The following MSL1 variants were observed in gnomAD, a reference collection of about 807,000 sequenced individuals.
MSL1 encodes male-specific lethal 1 homolog.
MSL1 carries 21 observed loss-of-function variants against 64.6 expected under a neutral mutation model. The observed-to-expected ratio is 0.33, with a 90% CI of 0.23 to 0.47. MSL1 has a LOEUF of 0.47. Ranked by LOEUF, MSL1 falls within the 20% of genes least tolerant of loss-of-function variation. The probability of loss-of-function intolerance (pLI) is 1.00; values close to 1 mark genes in which losing one functional copy is unlikely to be tolerated. For missense variants in MSL1, 664 were observed against 793.2 expected (o/e 0.84, Z 1.96); for synonymous variants, 339 against 329.6 (o/e 1.03, Z -0.31).
Position 40,122,469 on chromosome 17 carries a change from AGCCGCGCTAGCGGAGGCCTGCT to A in MSL1, c.-135_-114del. 1 of 516,776 alleles carries A rather than the reference AGCCGCGCTAGCGGAGGCCTGCT, an allele frequency of 1.9e-6. No individual in the cohort carries two copies. The highest frequency in any genetic ancestry group is 3.0e-6 in the Non-Finnish European group (1 of 327,900). The allele number at this position is 516,776 out of a possible 1,614,324, so 32.0% of individuals were successfully genotyped here. A position where few individuals can be genotyped will look rare whatever the true frequency, so the allele number is the denominator to read the frequency against. ...CGGGATGGCGCCCGGGCCCCGGAGG[AGCCGCGCTAGCGGAGGCCTGCT>A]GCCGCGCTGCTGAGGCGAGCCCGCC... On this transcript the variant is annotated 5_prime_UTR_variant, in exon 1 of 9. It removes the in-frame stop codon of an upstream open reading frame in the 5' UTR. Coordinates refer to ENST00000398532, the MANE Select transcript of MSL1 (RefSeq NM_001365919.1). This position sits in a 1 kb window ranked among gnomAD's most constrained non-coding sequence, Gnocchi z 4.2.
At chr17:40,123,455 G>C in intron 1 of MSL1, 75 bp downstream of exon 1, 1 of 1,430,910 alleles carries the variant, frequency 7.0e-7, no homozygotes. Context: ...GGCTGTAGGA[G>C]GTTAAGGCAC....
At chr17:40,134,033 G>C in intron 8 of MSL1, 134 bp downstream of exon 8, 1 of 795,134 alleles carries the variant, frequency 1.3e-6, no homozygotes, top group South Asian at 1.6e-5. Context: ...GAGGCTACCT[G>C]GGCAACTAGC....
At position 40,129,319 on chromosome 17, in the gene MSL1, C is replaced by G. The variant is rs1394200571; in HGVS notation, c.1067C>G (p.Thr356Arg). ...KLAPEFSKVKTKTPKHSPIKE... is the reference protein window; with the variant it reads ...KLAPEFSKVKRKTPKHSPIKE... ...GCTCCTGAATTTTCAAAAGTCAAAA[C>G]AAAAACTCCTAAGCACTCTCCTATT... Residue 356 changes from threonine (T) to arginine (R), a missense_variant, in exon 3 of 9, where the codon ACA (threonine) becomes AGA (arginine). Thr to Arg is a moderately conservative substitution (Grantham distance 71). Transcript: ENST00000398532. 1 of 1,585,886 alleles carries G rather than the reference C, an allele frequency of 6.3e-7. No homozygotes were observed. Among genetic ancestry groups the G allele is most frequent in the South Asian group, 1.2e-5 (1 of 85,104 alleles).
chr17:40,132,294 AAAAT>A (rs894842436), intron 5 of MSL1, among the ~76,000 whole-genome samples, 196 bp downstream of exon 5: 69 of 152,334 alleles, frequency 4.5e-4, no homozygotes, highest in African/African-American at 1.6e-3. Flanking sequence ...GATTTATTAA[AAAAT>A]AAATAGCTAG....
chr17:40,122,954 T>TG lies in MSL1; in HGVS notation c.349dup (p.Glu117GlyfsTer146). The TG allele has an allele frequency of 3.3e-6, 5 of 1,524,666 alleles. No homozygotes were observed. Among genetic ancestry groups the TG allele is most frequent in the Admixed American group, 4.0e-5 (2 of 50,212 alleles). 94.4% of individuals were successfully genotyped at this position (1,524,666 alleles called of 1,614,324 possible). On this transcript the variant is annotated frameshift_variant, in exon 1 of 9. Transcript: ENST00000398532. LOFTEE classifies it high-confidence loss of function. This position sits in a 1 kb window ranked among gnomAD's most constrained non-coding sequence, Gnocchi z 4.2. ...CCCCGGCCACCAAGCAAGCCGGCAT[T>TG]GGGGGGGAGCCTGCCGCAGCCGGAG...
In MSL1 at chr17:40,123,308, C is replaced by T; in HGVS notation, c.696C>T (p.Leu232=). Residue 232 remains leucine (L), a synonymous_variant, in exon 1 of 9, where the codon CTC becomes CTT. Coordinates refer to ENST00000398532, the MANE Select transcript of MSL1 (RefSeq NM_001365919.1). ...AGATCCTTCTGCTGCAATTGGACCT[C>T]ATCGAACAGCAGCAGCAGCAGCTGC... ...LKQILLLQLD[L]IEQQQQQLQA... is the part of the protein sequence containing the mutation. 6.5e-7 allele frequency: 1 copy of T among 1,536,238 alleles called. No individual in the cohort carries two copies. The highest frequency in any genetic ancestry group is 2.4e-5 in the East Asian group (1 of 40,998).
chr17:40,135,275 G>T lies in MSL1; in HGVS notation c.*906G>T, dbSNP rs1415477377. The T allele has an allele frequency of 7.9e-5, 12 of 152,208 alleles. No individual in the cohort carries two copies. The highest frequency in any genetic ancestry group is 2.9e-4 in the African/African-American group (12 of 41,402). The allele number at this position is 152,208 out of a possible 1,614,324, so 9.4% of individuals were successfully genotyped here. ...AGTGTGGAAATAGGTGCTTCCTTTGGCTGGCAAATGTCTACATCTTGAAAC... is the reference window on the plus strand; with the variant it reads ...AGTGTGGAAATAGGTGCTTCCTTTGTCTGGCAAATGTCTACATCTTGAAAC... On this transcript the variant is annotated 3_prime_UTR_variant, in exon 9 of 9. Transcript: ENST00000398532.
chr17:40,133,104 GA>G lies in MSL1; in HGVS notation c.1555del (p.Arg519AspfsTer46). The G allele has an allele frequency of 6.2e-7, 1 of 1,607,138 alleles. No individual in the cohort carries two copies. The highest frequency in any genetic ancestry group is 1.7e-5 in the Admixed American group (1 of 58,874). ...AKLELDEKRR[K>X]RWDIQRIREQ... ...AACTGGAGCTGGATGAGAAGAGAAG[GA>G]AAAGGTGAGGCCAGAGATGTCCATC... is the stretch of plus-strand genomic sequence containing the variant. On this transcript the variant is annotated frameshift_variant, in exon 6 of 9. Coordinates refer to ENST00000398532, the MANE Select transcript of MSL1 (RefSeq NM_001365919.1). LOFTEE classifies it high-confidence loss of function.
At chr17:40,128,359 C>T (rs921320784) in intron 2 of MSL1, among the ~76,000 whole-genome samples, 12 of 147,764 alleles carry the variant, frequency 8.1e-5, no homozygotes, top group Non-Finnish European at 1.5e-4. Context: ...GCTAAAGGAC[C>T]TTGAATATTC....
In MSL1 at chr17:40,127,669, A is replaced by T. The variant is rs1426019333; in HGVS notation, c.992+1263A>T. The stretch of plus-strand genomic sequence containing the variant: ...AACTTTTTTTAGTTTTTGTAGAGAC[A>T]GGCTCTCACTTTGTTTCCCAGGCTG... On this transcript the variant is annotated intron_variant, in intron 2 of 8. Transcript: ENST00000398532. Among the ~76,000 whole-genome samples the T allele has an allele frequency of 2.0e-5, 3 of 152,194 alleles. No homozygotes were observed. The East Asian group carries it at 5.8e-4, about 29-fold the overall frequency.
At chr17:40,124,352 CCTGT>C (rs2145126834) in intron 1 of MSL1, among the ~76,000 whole-genome samples, 1 of 151,852 alleles carries the variant, frequency 6.6e-6, no homozygotes, top group East Asian at 1.9e-4. Flanking sequence ...TTCCTCCCTC[CCTGT>C]CTCTTTCCCT....
intron 6 of MSL1, 200 bp downstream of exon 6, chr17:40,133,309 G>A (rs1206544256): frequency 4.0e-6 from 3 of 742,716 alleles, no homozygotes; most frequent in Admixed American, 2.9e-5. Flanking sequence ...CTCTTTTTGT[G>A]TATGACCTTC....
At chr17:40,127,713 C>G (rs1246356743) in intron 2 of MSL1, among the ~76,000 whole-genome samples, 1 of 152,164 alleles carries the variant, frequency 6.6e-6, no homozygotes, top group African/African-American at 2.4e-5. Context: ...CTCCTGGGCT[C>G]AAGTGATCCT....
Position 40,134,493 on chromosome 17 carries a change from C to G in MSL1, c.*124C>G. 1 of 742,566 alleles carries G rather than the reference C, an allele frequency of 1.3e-6. No homozygotes were observed. The highest frequency in any genetic ancestry group is 2.2e-6 in the Non-Finnish European group (1 of 447,188). 46.0% of individuals were successfully genotyped at this position (742,566 alleles called of 1,614,324 possible). ...CACTCGCTGATAATACCCTTTCATA[C>G]TTCCTTGACTTTGTTTTCATTACTC... On this transcript the variant is annotated 3_prime_UTR_variant, in exon 9 of 9. Coordinates refer to ENST00000398532, the MANE Select transcript of MSL1 (RefSeq NM_001365919.1).
rs748280549 is a variant in MSL1, at chr17:40,121,995, T to A, written c.-618T>A. 2.0e-5 allele frequency among the ~76,000 whole-genome samples: 3 copies of A among 151,072 alleles called. No individual in the cohort carries two copies. The highest frequency in any genetic ancestry group is 6.6e-5 in the Admixed American group (1 of 15,232). On this transcript the variant is annotated 5_prime_UTR_variant, in exon 1 of 9. Transcript: ENST00000398532. ...CATGCGTCCTCCGGTTGGCGGCGGC[T>A]GCGGCGGTGGCGGCTACGAGCGGCT...
rs1988186859 is a variant in MSL1 at position 40,122,194 on chromosome 17, C to T, written c.-419C>T. On this transcript the variant is annotated 5_prime_UTR_variant, in exon 1 of 9. Coordinates refer to ENST00000398532, the MANE Select transcript of MSL1 (RefSeq NM_001365919.1). The surrounding 1 kb of genome is among the most constrained non-coding windows in gnomAD (Gnocchi z 4.2). Reference sequence around the variant, plus strand: ...GGAGGAGGGGGGGGAAATGGAGGCTCGGGGCGGTTGAGGCGAGCTCCGGGG... The same window carrying T: ...GGAGGAGGGGGGGGAAATGGAGGCTTGGGGCGGTTGAGGCGAGCTCCGGGG... 1 of 118,628 alleles carries T rather than the reference C, an allele frequency of 8.4e-6. No homozygotes were observed. The highest frequency in any genetic ancestry group is 3.1e-5 in the African/African-American group (1 of 32,204). The allele number at this position is 118,628 out of a possible 1,614,324, so 7.3% of individuals were successfully genotyped here. A position where few individuals can be genotyped will look rare whatever the true frequency, so the allele number is the denominator to read the frequency against.
intron 1 of MSL1, among the ~76,000 whole-genome samples, chr17:40,125,053 G>A (rs1396051778): frequency 6.6e-6 from 1 of 152,168 alleles, no homozygotes; most frequent in Non-Finnish European, 1.5e-5. Context: ...TGAAGGCAGC[G>A]TTAAACATCA....
chr17:40,132,168 A>T, intron 5 of MSL1, 70 bp downstream of exon 5: 1 of 1,093,642 alleles, frequency 9.1e-7, no homozygotes, highest in East Asian at 2.5e-5. Flanking sequence ...TAACTGGAAA[A>T]TGTCATAGTA....
chr17:40,134,574 G>A lies in MSL1; in HGVS notation c.*205G>A. The A allele has an allele frequency of 1.8e-6, 1 of 554,154 alleles. No homozygotes were observed. Among genetic ancestry groups the A allele is most frequent in the South Asian group, 2.3e-5 (1 of 43,494 alleles). The allele number at this position is 554,154 out of a possible 1,614,324, so 34.3% of individuals were successfully genotyped here. On this transcript the variant is annotated 3_prime_UTR_variant, in exon 9 of 9. Transcript: ENST00000398532. The stretch of plus-strand genomic sequence containing the variant: ...ATTGTGAGTTATGGAGGGTGATTGG[G>A]ATTTCTTTTCCCTTTTTTGGGAAAT...
Sources: gnomAD v4.1 joint callset for allele counts (sites outside exome capture counted in the v4.1 genomes callset) on GRCh38, gnomAD v4.1.1 for gene constraint, Gnocchi (gnomAD v3.1) non-coding constraint, MANE v1.5 for transcripts, NCBI Gene and HGNC (gene_info 2026-07-23, HGNC 2026-07-21) for gene names.